The following KCNH7 variants were observed in gnomAD, a reference collection of about 807,000 sequenced individuals.
The protein encoded by KCNH7 is voltage-gated inwardly rectifying potassium channel KCNH7.
In KCNH7, 49 loss-of-function variants were observed where a neutral mutation model predicts 120.8. The ratio of observed to expected loss-of-function variants is 0.41; its 90% confidence interval spans 0.32 to 0.51. KCNH7 has a LOEUF of 0.51. Among genes scored for constraint, KCNH7 ranks in the 20% least tolerant of loss-of-function variants. The pLI is 0.38. For missense variants in KCNH7, 1,097 were observed against 1,446.6 expected (o/e 0.76, Z 3.92); for synonymous variants, 547 against 516.1 (o/e 1.06, Z -0.81).
At chr2:162,738,768 A>T in intron 2 of KCNH7, among the ~76,000 whole-genome samples, 1 of 152,230 alleles carries the variant, frequency 6.6e-6, no homozygotes, top group South Asian at 2.1e-4. Context: ...GAGGATAACT[A>T]AAAGAAATAA....
intron 2 of KCNH7, among the ~76,000 whole-genome samples, chr2:162,608,761 C>T (rs1038317444): frequency 1.1e-4 from 17 of 152,158 alleles, no homozygotes; most frequent in Admixed American, 9.2e-4. Context: ...TGTTATTTAA[C>T]TAATGAAGCC....
At position 162,536,410 on chromosome 2, in the gene KCNH7, AG is replaced by A. The variant is rs200036555; in HGVS notation, c.463+514del. 6.6e-4 allele frequency among the ~76,000 whole-genome samples: 100 copies of A among 152,118 alleles called. No individual in the cohort carries two copies. In the East Asian group the frequency reaches 0.016, roughly 24 times the overall value. On this transcript the variant is annotated intron_variant, in intron 3 of 15. Transcript: ENST00000332142. Reference sequence around the variant, plus strand: ...ACTTCTCACTTATGATAATGACAATAGTTGAGAAAACGGATTCTGACACGCT... The same window carrying A: ...ACTTCTCACTTATGATAATGACAATATTGAGAAAACGGATTCTGACACGCT...
chr2:162,578,654 G>A (rs759610346), intron 2 of KCNH7, among the ~76,000 whole-genome samples: 6 of 151,990 alleles, frequency 3.9e-5, no homozygotes, highest in Non-Finnish European at 7.4e-5. Flanking sequence ...TTTCGCCCTG[G>A]GCTAACTGGA....
At position 162,724,577 on chromosome 2, in the gene KCNH7, C is replaced by T. The variant is rs373390053; in HGVS notation, c.307+111960G>A. ...GTCCCAGCTACTTGGGAGGCTGAGG[C>T]AGGAGAATGGCGTGAACCCGGGAGG... On this transcript the variant is annotated intron_variant, in intron 2 of 15. Coordinates refer to ENST00000332142, the MANE Select transcript of KCNH7 (RefSeq NM_033272.4). Among the ~76,000 whole-genome samples the T allele has an allele frequency of 2.3e-4, 34 of 148,404 alleles. 1 individual carries two copies. Among genetic ancestry groups the T allele is most frequent in the African/African-American group, 8.4e-4 (33 of 39,448 alleles).
intron 2 of KCNH7, among the ~76,000 whole-genome samples, chr2:162,538,519 G>A (rs949823592): frequency 6.6e-6 from 1 of 152,062 alleles, no homozygotes; most frequent in African/African-American, 2.4e-5. Context: ...GCTGGAGACA[G>A]GGGCCGGGCA....
chr2:162,715,434 G>A (rs565007826), intron 2 of KCNH7, among the ~76,000 whole-genome samples: 2 of 152,246 alleles, frequency 1.3e-5, no homozygotes, highest in East Asian at 1.9e-4. Flanking sequence ...AATTCATCAT[G>A]AGATTTGGGT....
chr2:162,673,503 C>A (rs1009320550), intron 2 of KCNH7, among the ~76,000 whole-genome samples: 1 of 151,996 alleles, frequency 6.6e-6, no homozygotes, highest in Non-Finnish European at 1.5e-5. Flanking sequence ...GATTTGGCTA[C>A]GTGATTTACT....
chr2:162,582,525 G>A (rs757997739), intron 2 of KCNH7, among the ~76,000 whole-genome samples: 11 of 152,010 alleles, frequency 7.2e-5, no homozygotes, highest in Non-Finnish European at 1.3e-4. Flanking sequence ...AACATACAGC[G>A]CTTTGACTCT....
chr2:162,829,667 G>A (rs1685403636), intron 2 of KCNH7, among the ~76,000 whole-genome samples: 1 of 151,870 alleles, frequency 6.6e-6, no homozygotes, highest in Non-Finnish European at 1.5e-5. Flanking sequence ...TATTCATATA[G>A]TTTCAGGCTA....
At chr2:162,426,232 A>C (rs1687858996) in intron 8 of KCNH7, among the ~76,000 whole-genome samples, 1 of 151,880 alleles carries the variant, frequency 6.6e-6, no homozygotes, top group South Asian at 2.1e-4. Flanking sequence ...AAAAAAAAAA[A>C]AAAGTGACCT....
At chr2:162,445,201 T>A (rs892179025) in intron 7 of KCNH7, among the ~76,000 whole-genome samples, 5 of 152,130 alleles carry the variant, frequency 3.3e-5, no homozygotes, top group African/African-American at 4.8e-5. Flanking sequence ...TGGTCTCCTC[T>A]TTGTTGGGGA....
intron 2 of KCNH7, among the ~76,000 whole-genome samples, chr2:162,639,665 A>G (rs1195493870): frequency 1.3e-5 from 2 of 152,164 alleles, no homozygotes; most frequent in South Asian, 2.1e-4. Flanking sequence ...AAGACTAGGA[A>G]CAAGGTAAAA....
chr2:162,517,245 C>G (rs1039367342), intron 4 of KCNH7, among the ~76,000 whole-genome samples: 4 of 151,704 alleles, frequency 2.6e-5, no homozygotes, highest in Non-Finnish European at 5.9e-5. Flanking sequence ...CTTCATCCTA[C>G]CTACCTTGCA....
At chr2:162,765,936 T>C (rs1283984382) in intron 2 of KCNH7, among the ~76,000 whole-genome samples, 2 of 152,072 alleles carry the variant, frequency 1.3e-5, no homozygotes, top group African/African-American at 4.8e-5. Context: ...CATAATTTAT[T>C]TTTAGACATG....
intron 2 of KCNH7, among the ~76,000 whole-genome samples, chr2:162,650,063 T>C (rs570469658): frequency 1.1e-4 from 17 of 152,194 alleles, no homozygotes; most frequent in Non-Finnish European, 1.8e-4. Flanking sequence ...TATTACATGC[T>C]ATTTAGCTCA....
chr2:162,790,666 G>C (rs562728473), intron 2 of KCNH7, among the ~76,000 whole-genome samples: 1 of 152,134 alleles, frequency 6.6e-6, no homozygotes, highest in East Asian at 1.9e-4. Context: ...TGGGAGGAAA[G>C]GACGGCTCAA....
At chr2:162,812,524 G>A (rs1684767052) in intron 2 of KCNH7, among the ~76,000 whole-genome samples, 1 of 152,082 alleles carries the variant, frequency 6.6e-6, no homozygotes, top group Admixed American at 6.6e-5. Context: ...GAAAGGACAT[G>A]AAGCCCCTGA....
intron 2 of KCNH7, among the ~76,000 whole-genome samples, chr2:162,622,974 T>C (rs9287821): frequency 0.64 from 97,135 of 151,944 alleles, 32,602 homozygotes; most frequent in African/African-American, 0.84. Flanking sequence ...TCTATGAACC[T>C]AATTAGCCCA....
intron 2 of KCNH7, among the ~76,000 whole-genome samples, chr2:162,626,585 C>T (rs748869824): frequency 2.2e-4 from 33 of 152,162 alleles, no homozygotes; most frequent in Admixed American, 5.9e-4. Context: ...GAGTATTGGA[C>T]GCTGTAACAA....
Sources: allele counts gnomAD v4.1 joint callset (sites outside exome capture counted in the v4.1 genomes callset), GRCh38; gene constraint gnomAD v4.1.1; transcripts MANE v1.5; gene names NCBI Gene and HGNC (gene_info 2026-07-23, HGNC 2026-07-21).